The following SORCS2 variants were observed in gnomAD, a reference collection of about 807,000 sequenced individuals.
The protein encoded by SORCS2 is sortilin related VPS10 domain containing receptor 2, also known as VPS10 domain-containing receptor SorCS2.
A neutral mutation model predicts 141.6 loss-of-function variants in SORCS2; 100 were observed. The observed-to-expected ratio is 0.71, with a 90% CI of 0.60 to 0.83. The LOEUF (loss-of-function observed/expected upper bound fraction) is 0.83, where lower values mean the gene tolerates loss of function less well. Ranked by LOEUF, SORCS2 falls within the 40% of genes least tolerant of loss-of-function variation. The pLI, the probability that SORCS2 is intolerant of heterozygous loss-of-function variation, is 0.00. For synonymous variants in SORCS2, 789 were observed against 676.9 expected, an observed-to-expected ratio of 1.17 and a Z score of -2.57; for missense variants, 1,646 against 1,560.2, an observed-to-expected ratio of 1.05 and a Z score of -0.93.
chr4:7,712,880 G>T, intron 15 of SORCS2, 27 bp downstream of exon 15: 2 of 1,612,084 alleles, frequency 1.2e-6, no homozygotes, highest in Non-Finnish European at 1.7e-6. Context: ...CTGGGATCGG[G>T]CAGGTGGGGT....
chr4:7,427,971 C>T (rs1310565791), intron 2 of SORCS2, among the ~76,000 whole-genome samples: 2 of 152,214 alleles, frequency 1.3e-5, no homozygotes, highest in African/African-American at 2.4e-5. Flanking sequence ...GGTTGCACTG[C>T]AGCCAGAGGG....
intron 1 of SORCS2, among the ~76,000 whole-genome samples, chr4:7,370,890 C>T (rs117531807): frequency 6.6e-6 from 1 of 152,316 alleles, no homozygotes; most frequent in African/African-American, 2.4e-5. Context: ...CACGTCCCCT[C>T]AATCCCCTAG....
intron 8 of SORCS2, among the ~76,000 whole-genome samples, chr4:7,673,146 A>C (rs1722893193): frequency 6.6e-6 from 1 of 152,252 alleles, no homozygotes; most frequent in Admixed American, 6.5e-5. Flanking sequence ...AACTCTAATC[A>C]GCAAATATTT....
Position 7,661,560 on chromosome 4 carries a change from T to C in SORCS2, c.948T>C (p.Gly316=), listed in dbSNP as rs1388615134. 2 of 1,551,654 alleles carry C rather than the reference T, an allele frequency of 1.3e-6. No homozygotes were observed. The highest frequency in any genetic ancestry group is 2.4e-5 in the East Asian group (1 of 40,960). ...TCCACGTGGAAGCCCAAGACCTCGGTGGAGGTAAGCCGGGCAGTGCACAGG... is the reference window on the plus strand; with the variant it reads ...TCCACGTGGAAGCCCAAGACCTCGGCGGAGGTAAGCCGGGCAGTGCACAGG... The part of the protein sequence containing the change: ...DLVHVEAQDL[G]GDFRYVTCAI... Residue 316 remains glycine (G), a synonymous_variant, in exon 6 of 27, where the codon GGT becomes GGC. Transcript: ENST00000507866.
chr4:7,434,684 C>T lies in SORCS2; in HGVS notation c.548+38329C>T, dbSNP rs762924459. 21 of 1,612,636 alleles carry T rather than the reference C, an allele frequency of 1.3e-5. No homozygotes were observed. The highest frequency in any genetic ancestry group is 2.2e-5 in the East Asian group (1 of 44,862). ...GCGGCGGCTGCTATGTCCTGGCATA[C>T]GTCGCAGGGCAGAGACTTCGCGGTG... On this transcript the variant is annotated intron_variant, in intron 2 of 26. Transcript: ENST00000507866.
At chr4:7,675,595 C>G (rs1327546810) in intron 8 of SORCS2, among the ~76,000 whole-genome samples, 1 of 152,300 alleles carries the variant, frequency 6.6e-6, no homozygotes, top group East Asian at 1.9e-4. Context: ...GTTGGTACTT[C>G]CCAAATGTGT....
chr4:7,279,548 C>T (rs1473368771), intron 1 of SORCS2, among the ~76,000 whole-genome samples: 1 of 152,206 alleles, frequency 6.6e-6, no homozygotes, highest in Non-Finnish European at 1.5e-5. Context: ...ATCCCCAAGC[C>T]TAGTTCACTA....
At chr4:7,485,946 A>C (rs957660649) in intron 2 of SORCS2, among the ~76,000 whole-genome samples, 2 of 152,152 alleles carry the variant, frequency 1.3e-5, no homozygotes, top group Admixed American at 6.5e-5. Flanking sequence ...AAATGCCCTA[A>C]ACCCAGCGGG....
At chr4:7,427,583 T>C (rs1324863835) in intron 2 of SORCS2, among the ~76,000 whole-genome samples, 1 of 152,064 alleles carries the variant, frequency 6.6e-6, no homozygotes, top group African/African-American at 2.4e-5. Flanking sequence ...TGGGTTGCTA[T>C]AAAGAAATGC....
intron 2 of SORCS2, among the ~76,000 whole-genome samples, chr4:7,411,016 T>C (rs1355105643): frequency 1.5e-5 from 2 of 132,062 alleles, no homozygotes; most frequent in African/African-American, 5.6e-5. Flanking sequence ...AGTGTAGTGG[T>C]GTGATCTCGA....
chr4:7,255,789 G>A (rs1372323633), intron 1 of SORCS2, among the ~76,000 whole-genome samples: 2 of 152,034 alleles, frequency 1.3e-5, no homozygotes, highest in Non-Finnish European at 2.9e-5. Flanking sequence ...CAGAGCGGCT[G>A]TGCAGTGGGG....
intron 2 of SORCS2, among the ~76,000 whole-genome samples, chr4:7,446,136 G>A (rs965781732): frequency 1.3e-5 from 2 of 151,440 alleles, no homozygotes; most frequent in Non-Finnish European, 2.9e-5. Flanking sequence ...AAAGAGGTCA[G>A]ACTGGGGGTT....
At chr4:7,396,546 A>G (rs1308027767) in intron 2 of SORCS2, among the ~76,000 whole-genome samples, 191 bp downstream of exon 2, 2 of 152,242 alleles carry the variant, frequency 1.3e-5, no homozygotes, top group Non-Finnish European at 2.9e-5. Context: ...GGCAGTGGGT[A>G]TAAACTGCAC....
chr4:7,336,532 A>ACGCAATCCCAGAGC (rs1448179213), intron 1 of SORCS2, among the ~76,000 whole-genome samples: 3 of 94,422 alleles, frequency 3.2e-5, no homozygotes, highest in African/African-American at 1.4e-4. Context: ...CCGTGCCCAG[A>ACGCAATCCCAGAGC]ACAGATGGAT....
At chr4:7,580,396 A>G (rs1716064876) in intron 3 of SORCS2, among the ~76,000 whole-genome samples, 1 of 152,116 alleles carries the variant, frequency 6.6e-6, no homozygotes, top group South Asian at 2.1e-4. Context: ...AGGCTGAGCC[A>G]TGAGAATCGC....
chr4:7,455,674 G>A (rs1328059669), intron 2 of SORCS2, among the ~76,000 whole-genome samples: 8 of 150,532 alleles, frequency 5.3e-5, no homozygotes, highest in South Asian at 2.1e-4. Context: ...GTCAGGCTCC[G>A]TGTTGGGGTC....
chr4:7,717,562 G>T (rs1301668951), intron 17 of SORCS2, among the ~76,000 whole-genome samples: 2 of 152,174 alleles, frequency 1.3e-5, no homozygotes, highest in Non-Finnish European at 2.9e-5. Context: ...AGGAGGAGGG[G>T]TGTGTGTGCC....
At chr4:7,552,626 C>A (rs1560380623) in intron 3 of SORCS2, among the ~76,000 whole-genome samples, 1 of 152,258 alleles carries the variant, frequency 6.6e-6, no homozygotes, top group Admixed American at 6.5e-5. Flanking sequence ...CCTGGCCCCC[C>A]ACAGGGATCA....
At chr4:7,687,101 G>A (rs1285378463) in intron 10 of SORCS2, among the ~76,000 whole-genome samples, 1 of 152,202 alleles carries the variant, frequency 6.6e-6, no homozygotes, top group Non-Finnish European at 1.5e-5. Context: ...AGCTCATCGG[G>A]GGAACGGGAG....
Sources: gnomAD v4.1 joint callset for allele counts (sites outside exome capture counted in the v4.1 genomes callset) on GRCh38, gnomAD v4.1.1 for gene constraint, MANE v1.5 for transcripts, NCBI Gene and HGNC (gene_info 2026-07-23, HGNC 2026-07-21) for gene names.